The following LARP1 variants were observed in gnomAD, a reference collection of about 807,000 sequenced individuals.
LARP1 encodes the protein la-related protein 1.
A neutral mutation model predicts 122.7 loss-of-function variants in LARP1; 36 were observed. The observed-to-expected ratio is 0.29, with a 90% CI of 0.22 to 0.39. The LOEUF is 0.39. Ranked by LOEUF, LARP1 falls within the 10% of genes least tolerant of loss-of-function variation. The probability of loss-of-function intolerance (pLI) is 1.00; values close to 1 mark genes in which losing one functional copy is unlikely to be tolerated. For synonymous variants in LARP1, 539 were observed against 528.7 expected (o/e 1.02, Z -0.27); for missense variants, 1,040 against 1,403.6 (o/e 0.74, Z 4.14).
At chr5:154,732,632 G>T (rs960761672) in intron 1 of LARP1, among the ~76,000 whole-genome samples, 1 of 152,098 alleles carries the variant, frequency 6.6e-6, no homozygotes, top group Non-Finnish European at 1.5e-5. Flanking sequence ...CCTGTGTTTG[G>T]AATTCCCAGA....
At chr5:154,727,517 G>A (rs779494606) in intron 1 of LARP1, among the ~76,000 whole-genome samples, 3 of 152,178 alleles carry the variant, frequency 2.0e-5, no homozygotes, top group Non-Finnish European at 2.9e-5. Flanking sequence ...AATTGGGGTG[G>A]TATTGGTCAA....
At chr5:154,720,700 A>AGG (rs539107492) in intron 1 of LARP1, among the ~76,000 whole-genome samples, 2 of 152,176 alleles carry the variant, frequency 1.3e-5, no homozygotes, top group African/African-American at 4.8e-5. Context: ...CAACAGAGAG[A>AGG]GACCGTGTCT....
At position 154,755,555 on chromosome 5, in the gene LARP1, C is replaced by A. The variant is rs1009798440; in HGVS notation, c.-203C>A. On this transcript the variant is annotated 5_prime_UTR_variant, in exon 1 of 19. Coordinates refer to ENST00000518297, the MANE Select transcript of LARP1 (RefSeq NM_033551.3). ...CAGAGTGGGGGGCCTTCCTCCCCCC[C>A]CGCCCCGCTAGTGGGCCTCGGATTT... 1.3e-5 allele frequency: 13 copies of A among 987,434 alleles called. No homozygotes were observed. The highest frequency in any genetic ancestry group is 3.5e-5 in the African/African-American group (2 of 57,250). The allele number at this position is 987,434 out of a possible 1,614,324, so 61.2% of individuals were successfully genotyped here.
At chr5:154,800,324 T>A (rs968084517) in intron 10 of LARP1, among the ~76,000 whole-genome samples, 1 of 152,250 alleles carries the variant, frequency 6.6e-6, no homozygotes, top group Admixed American at 6.5e-5. Context: ...GCGATGTTTC[T>A]GGCTTCTTGA....
chr5:154,756,540 G>T, intron 1 of LARP1: 1 of 979,356 alleles, frequency 1.0e-6, no homozygotes, highest in Non-Finnish European at 1.2e-6. Context: ...ACGGTTTCTG[G>T]TTTGAACCTT....
chr5:154,772,101 C>G (rs1350139777), intron 1 of LARP1, among the ~76,000 whole-genome samples: 2 of 152,220 alleles, frequency 1.3e-5, no homozygotes, highest in East Asian at 3.8e-4. Flanking sequence ...CATAAATACA[C>G]ATATAAATAT....
At chr5:154,693,857 A>C (rs1200912066) in intron 1 of LARP1, among the ~76,000 whole-genome samples, 3 of 144,780 alleles carry the variant, frequency 2.1e-5, no homozygotes, top group African/African-American at 2.7e-5. Flanking sequence ...CTCCGTCTAA[A>C]AAAAAAAAAA....
intron 1 of LARP1, among the ~76,000 whole-genome samples, chr5:154,698,172 G>A (rs1379591786): frequency 4.6e-5 from 7 of 152,136 alleles, no homozygotes; most frequent in African/African-American, 1.7e-4. Context: ...GGTAAACAGC[G>A]TGATATTTCA....
At chr5:154,713,733 C>T (rs1405392538) in intron 1 of LARP1, among the ~76,000 whole-genome samples, 1 of 152,208 alleles carries the variant, frequency 6.6e-6, no homozygotes, top group African/African-American at 2.4e-5. Context: ...TGCAGTGCTG[C>T]CTCACACACA....
chr5:154,792,869 T>A (rs912113094), intron 4 of LARP1, 73 bp downstream of exon 4: 33 of 1,472,478 alleles, frequency 2.2e-5, no homozygotes, highest in Non-Finnish European at 3.0e-5. Context: ...TCCAGGGGAC[T>A]GCTGGAGGAG....
chr5:154,787,789 A>C (rs186747736), intron 1 of LARP1, among the ~76,000 whole-genome samples: 1 of 152,232 alleles, frequency 6.6e-6, no homozygotes, highest in East Asian at 1.9e-4. Flanking sequence ...GGACTAATTT[A>C]AGAATATTCA....
chr5:154,741,464 G>A (rs1752876294), intron 1 of LARP1, among the ~76,000 whole-genome samples: 1 of 152,222 alleles, frequency 6.6e-6, no homozygotes. Flanking sequence ...ATCAGAGGTT[G>A]TGATCTGTGC....
chr5:154,713,083 G>A (rs116274616), exon 1 of LARP1: 1 of 1,614,166 alleles, frequency 6.2e-7, no homozygotes, highest in Non-Finnish European at 8.5e-7. Context: ...ACAGGTGACA[G>A]GGAGAAGCCA....
In LARP1 at chr5:154,802,939, A is replaced by T. The variant is rs1418328452; in HGVS notation, c.2110-351A>T. 6.6e-6 allele frequency among the ~76,000 whole-genome samples: 1 copy of T among 152,110 alleles called. No individual in the cohort carries two copies. Among genetic ancestry groups the T allele is most frequent in the Admixed American group, 6.5e-5 (1 of 15,280 alleles). ...TTTCCTGGAAGTAAGGAGGAAGGAG[A>T]GTTGCCCAGCCACTGTGTGATAAGG... On this transcript the variant is annotated intron_variant, in intron 11 of 18. Coordinates refer to ENST00000518297, the MANE Select transcript of LARP1 (RefSeq NM_033551.3). This position sits in a 1 kb window ranked among gnomAD's most constrained non-coding sequence, Gnocchi z 5.1.
Position 154,799,698 on chromosome 5 carries a change from T to C in LARP1, c.1485T>C (p.Asp495=), listed in dbSNP as rs576671854. Residue 495 remains aspartate, a synonymous_variant, in exon 9 of 19, where the codon GAT becomes GAC. Coordinates refer to ENST00000518297, the MANE Select transcript of LARP1 (RefSeq NM_033551.3). ...LPPIVDYSQT[D]FSQLLNCPEF... ...CAATAGTGGATTATTCACAGACTGATTTCTCCCAGCTTCTCAACTGCCCTG... is the reference window on the plus strand; with the variant it reads ...CAATAGTGGATTATTCACAGACTGACTTCTCCCAGCTTCTCAACTGCCCTG... 140 of 1,614,176 alleles carry C rather than the reference T, an allele frequency of 8.7e-5. 2 individuals are homozygous for C. The highest frequency in any genetic ancestry group is 7.2e-4 in the South Asian group (66 of 91,082).
At chr5:154,772,126 A>T (rs1422122459) in intron 1 of LARP1, among the ~76,000 whole-genome samples, 1 of 152,248 alleles carries the variant, frequency 6.6e-6, no homozygotes, top group Admixed American at 6.5e-5. Flanking sequence ...AGCATTGATG[A>T]GATTGTGTAT....
At chr5:154,725,241 T>C (rs1177362742) in intron 1 of LARP1, among the ~76,000 whole-genome samples, 5 of 151,680 alleles carry the variant, frequency 3.3e-5, no homozygotes, top group Admixed American at 1.3e-4. Context: ...AATACAAAAA[T>C]TAGCCTGGTG....
intron 1 of LARP1, among the ~76,000 whole-genome samples, chr5:154,769,943 A>G (rs1277438414): frequency 1.3e-5 from 2 of 152,236 alleles, no homozygotes; most frequent in African/African-American, 4.8e-5. Context: ...GAGTTCTCCA[A>G]GGAGCAGAGA....
rs1248307937 is a variant in LARP1 at position 154,811,606 on chromosome 5, G to A, written c.3047G>A (p.Gly1016Asp). 1 of 1,614,166 alleles carries A rather than the reference G, an allele frequency of 6.2e-7. No individual in the cohort carries two copies. Among genetic ancestry groups the A allele is most frequent in the African/African-American group, 1.3e-5 (1 of 75,044 alleles). The change falls in exon 18 of 19, where the codon GGC becomes GAC. Residue 1016 changes from glycine (G) to aspartate (D), a missense_variant. By Grantham distance (94) the Gly-to-Asp change is moderately conservative. Transcript: ENST00000518297. Reference protein sequence around the residue: ...DIDPKLQEYLGKFRRLEDFRV... With the variant: ...DIDPKLQEYLDKFRRLEDFRV... The stretch of plus-strand genomic sequence containing the variant: ...GACCCCAAACTGCAAGAATACCTCG[G>A]CAAATTCCGACGTCTTGAAGACTTC...
Sources: gnomAD v4.1 joint callset for allele counts (sites outside exome capture counted in the v4.1 genomes callset) on GRCh38, gnomAD v4.1.1 for gene constraint, Gnocchi (gnomAD v3.1) non-coding constraint, MANE v1.5 for transcripts, NCBI Gene and HGNC (gene_info 2026-07-23, HGNC 2026-07-21) for gene names.